The following RABGAP1L variants were observed in gnomAD, a reference collection of about 807,000 sequenced individuals.
RABGAP1L encodes the protein rab GTPase-activating protein 1-like.
Under a neutral mutation model 137.7 loss-of-function variants are expected in RABGAP1L, and 63 were observed. The observed-to-expected ratio is 0.46, with a 90% CI of 0.37 to 0.56. The LOEUF (loss-of-function observed/expected upper bound fraction) is 0.56. RABGAP1L is among the 20% of genes least tolerant of loss of function. The pLI is 0.00. For missense variants in RABGAP1L, 1,095 were observed against 1,244.0 expected (o/e 0.88, Z 1.80); for synonymous variants, 431 against 433.7 (o/e 0.99, Z 0.08).
chr1:174,785,676 C>T (rs983008066), intron 18 of RABGAP1L, among the ~76,000 whole-genome samples: 36 of 152,292 alleles, frequency 2.4e-4, no homozygotes, highest in African/African-American at 7.7e-4. Flanking sequence ...CGGGACCATT[C>T]GAGCCCTGTA....
intron 13 of RABGAP1L, among the ~76,000 whole-genome samples, chr1:174,503,102 C>T (rs61826880): frequency 0.018 from 2,686 of 152,158 alleles, 42 homozygotes; most frequent in Middle Eastern, 0.051. Flanking sequence ...TTCCATGTTG[C>T]GAAGTCAGTA....
intron 13 of RABGAP1L, among the ~76,000 whole-genome samples, chr1:174,459,057 T>C (rs1038553421): frequency 6.6e-6 from 1 of 152,042 alleles, no homozygotes; most frequent in African/African-American, 2.4e-5. Flanking sequence ...AAATAAATGG[T>C]TATAGTCGTA....
intron 20 of RABGAP1L, among the ~76,000 whole-genome samples, chr1:174,963,125 C>T (rs1669315481): frequency 6.6e-6 from 1 of 151,912 alleles, no homozygotes. Context: ...TTTTTTCTGC[C>T]ATAGCAAATA....
chr1:174,539,808 A>G (rs1375829218), intron 13 of RABGAP1L, among the ~76,000 whole-genome samples: 1 of 152,256 alleles, frequency 6.6e-6, no homozygotes, highest in African/African-American at 2.4e-5. Context: ...GTTTATACCC[A>G]GTAATGGGAT....
In RABGAP1L at chr1:174,187,746, G is replaced by A. The variant is rs139465806; in HGVS notation, c.-34+28089G>A. 8.6e-5 allele frequency among the ~76,000 whole-genome samples: 13 copies of A among 152,034 alleles called. 1 individual carries two copies. In the East Asian group the frequency reaches 2.5e-3, roughly 29 times the overall value. ...CTATCTTAAGAATTCTGATCATCTT[G>A]TAGGAAACTTAGAAACACTAGGAAG... On this transcript the variant is annotated intron_variant, in intron 1 of 25. Transcript: ENST00000681986.
chr1:174,675,994 AAAAG>A (rs1313873930), intron 14 of RABGAP1L, among the ~76,000 whole-genome samples: 1 of 152,076 alleles, frequency 6.6e-6, no homozygotes, highest in Non-Finnish European at 1.5e-5. Context: ...TTTTTGAAGT[AAAAG>A]AAAGAAAAAG....
chr1:174,527,199 A>ATTTT (rs200033988), intron 13 of RABGAP1L, among the ~76,000 whole-genome samples: 2 of 108,268 alleles, frequency 1.8e-5, no homozygotes, highest in East Asian at 3.2e-4. Context: ...TATGATTTTT[A>ATTTT]TTTTGTTTTT....
intron 13 of RABGAP1L, among the ~76,000 whole-genome samples, chr1:174,425,158 G>A (rs934688298): frequency 1.3e-5 from 2 of 152,006 alleles, no homozygotes; most frequent in Admixed American, 1.3e-4. Context: ...GATTTGACCT[G>A]TATAACCAAT....
chr1:174,811,257 A>C (rs907909886), intron 18 of RABGAP1L, among the ~76,000 whole-genome samples: 3 of 152,126 alleles, frequency 2.0e-5, no homozygotes, highest in Admixed American at 2.0e-4. Context: ...TTCAGAAGAG[A>C]TCAGTAGTTA....
At chr1:174,216,209 T>G (rs1212696278) in intron 1 of RABGAP1L, among the ~76,000 whole-genome samples, 1 of 151,980 alleles carries the variant, frequency 6.6e-6, no homozygotes, top group Admixed American at 6.6e-5. Context: ...AAAAAATAAT[T>G]AGAAAGAATG....
At chr1:174,281,409 G>GT (rs1271478902) in intron 10 of RABGAP1L, among the ~76,000 whole-genome samples, 1 of 152,140 alleles carries the variant, frequency 6.6e-6, no homozygotes, top group African/African-American at 2.4e-5. Flanking sequence ...TGACTGGTGC[G>GT]TTTTTACAGA....
At chr1:174,577,764 T>A (rs1668484079) in intron 13 of RABGAP1L, among the ~76,000 whole-genome samples, 2 of 152,206 alleles carry the variant, frequency 1.3e-5, no homozygotes, top group South Asian at 4.1e-4. Flanking sequence ...CATCAAATAT[T>A]AATATTTTGC....
chr1:174,531,965 A>G (rs903108657), intron 13 of RABGAP1L, among the ~76,000 whole-genome samples: 1 of 152,130 alleles, frequency 6.6e-6, no homozygotes, highest in Non-Finnish European at 1.5e-5. Flanking sequence ...ACCAATTATG[A>G]ACATCTCCAT....
chr1:174,348,202 A>G (rs1682630303), intron 11 of RABGAP1L, among the ~76,000 whole-genome samples: 1 of 151,168 alleles, frequency 6.6e-6, no homozygotes, highest in Non-Finnish European at 1.5e-5. Flanking sequence ...AAGCTTGTAA[A>G]TAATATCTTA....
At chr1:174,741,043 T>C in intron 17 of RABGAP1L, among the ~76,000 whole-genome samples, 1 of 118,768 alleles carries the variant, frequency 8.4e-6, no homozygotes, top group East Asian at 2.3e-4. Context: ...TTTTTTTGTT[T>C]TGTTTTTTTT....
chr1:174,538,808 G>A (rs780443980), intron 13 of RABGAP1L, among the ~76,000 whole-genome samples: 1 of 152,168 alleles, frequency 6.6e-6, no homozygotes, highest in Non-Finnish European at 1.5e-5. Flanking sequence ...TATAAGTCCC[G>A]TAATACCACA....
At chr1:174,849,093 C>T (rs540316277) in intron 19 of RABGAP1L, among the ~76,000 whole-genome samples, 11 of 152,016 alleles carry the variant, frequency 7.2e-5, no homozygotes, top group East Asian at 3.9e-4. Flanking sequence ...GGCTCGCGCA[C>T]GGTGCGTGCA....
chr1:174,490,939 C>T (rs149719933), intron 13 of RABGAP1L, among the ~76,000 whole-genome samples: 2 of 152,164 alleles, frequency 1.3e-5, no homozygotes, highest in Non-Finnish European at 2.9e-5. Context: ...GTGAATGTTG[C>T]CTGACCTAGG....
At chr1:174,279,054 A>G (rs1675262251) in intron 10 of RABGAP1L, among the ~76,000 whole-genome samples, 1 of 152,208 alleles carries the variant, frequency 6.6e-6, no homozygotes, top group Non-Finnish European at 1.5e-5. Context: ...ATATAAAACA[A>G]CGTTTCTGCC....
Sources: allele counts gnomAD v4.1 joint callset (sites outside exome capture counted in the v4.1 genomes callset), GRCh38; gene constraint gnomAD v4.1.1; transcripts MANE v1.5; gene names NCBI Gene and HGNC (gene_info 2026-07-23, HGNC 2026-07-21).